The following ENOX1 variants were observed in gnomAD, a reference collection of about 807,000 sequenced individuals.
The protein encoded by ENOX1 is candidate growth-related and time keeping constitutive hydroquinone (NADH) oxidase.
A neutral mutation model predicts 82.5 loss-of-function variants in ENOX1; 42 were observed. The ratio of observed to expected loss-of-function variants is 0.51; its 90% CI spans 0.40 to 0.66. The LOEUF is 0.66. Among genes scored for constraint, ENOX1 ranks in the 30% least tolerant of loss-of-function variants. The probability of loss-of-function intolerance (pLI) is 0.00; values close to 1 mark genes in which losing one functional copy is unlikely to be tolerated. For missense variants in ENOX1, 608 were observed against 811.6 expected (o/e 0.75, Z 3.05); for synonymous variants, 271 against 282.2 (o/e 0.96, Z 0.40).
intron 11 of ENOX1, among the ~76,000 whole-genome samples, chr13:43,314,510 G>T (rs919293836): frequency 6.6e-6 from 1 of 152,160 alleles, no homozygotes; most frequent in Non-Finnish European, 1.5e-5. Context: ...AGGAGTCAAG[G>T]TATAATAGCT....
intron 14 of ENOX1, among the ~76,000 whole-genome samples, chr13:43,243,009 G>A (rs1210365219): frequency 6.6e-6 from 1 of 152,036 alleles, no homozygotes; most frequent in Admixed American, 6.5e-5. Context: ...GGTAGTGCAT[G>A]TCTGTAGTCC....
rs562574645 is a variant in ENOX1, at chr13:43,337,676, C to A, written c.1036+6862G>T. On this transcript the variant is annotated intron_variant, in intron 9 of 16. Transcript: ENST00000690772. ...ATTTATACTCAGTGTGATGACAGCA[C>A]ACCTCTTCAACTCTACCTATAAGCT... Among the ~76,000 whole-genome samples, 26 of 152,232 alleles carry A rather than the reference C, an allele frequency of 1.7e-4. No homozygotes were observed. In the South Asian group the frequency reaches 5.0e-3, roughly 29 times the overall value.
At chr13:43,590,806 T>C (rs1209719170) in intron 2 of ENOX1, among the ~76,000 whole-genome samples, 2 of 147,810 alleles carry the variant, frequency 1.4e-5, no homozygotes, top group Admixed American at 6.7e-5. Flanking sequence ...AAAATGCCTA[T>C]GTATCAAAAG....
intron 3 of ENOX1, among the ~76,000 whole-genome samples, chr13:43,480,842 T>C (rs1193166619): frequency 1.3e-5 from 2 of 152,118 alleles, no homozygotes; most frequent in African/African-American, 4.8e-5. Flanking sequence ...AGTAAGGAGA[T>C]TGAGTCAGTA....
At chr13:43,732,121 C>A (rs1346926862) in intron 1 of ENOX1, among the ~76,000 whole-genome samples, 1 of 152,190 alleles carries the variant, frequency 6.6e-6, no homozygotes, top group African/African-American at 2.4e-5. Context: ...TGCCTGATAG[C>A]CCCTTACTCC....
At chr13:43,576,971 C>G (rs1046946101) in intron 2 of ENOX1, among the ~76,000 whole-genome samples, 4 of 152,010 alleles carry the variant, frequency 2.6e-5, no homozygotes, top group Non-Finnish European at 5.9e-5. Context: ...AATCACTATT[C>G]CAATAAAAAA....
intron 5 of ENOX1, among the ~76,000 whole-genome samples, chr13:43,367,129 A>C (rs2050900933): frequency 6.6e-6 from 1 of 152,162 alleles, no homozygotes. Flanking sequence ...ACAGATGTGG[A>C]AATCTAGTGA....
chr13:43,589,653 C>A (rs2081154302), intron 2 of ENOX1, among the ~76,000 whole-genome samples: 1 of 132,200 alleles, frequency 7.6e-6, no homozygotes, highest in Non-Finnish European at 1.7e-5. Context: ...TAGGCGAATG[C>A]CACTATGCCC....
chr13:43,630,917 ATATG>A (rs1456304953), intron 2 of ENOX1, among the ~76,000 whole-genome samples: 90 of 137,500 alleles, frequency 6.5e-4, no homozygotes, highest in African/African-American at 2.1e-3. Context: ...ACGTGTGCGT[ATATG>A]TGTGTGTGTG....
chr13:43,609,471 T>C (rs1001253747), intron 2 of ENOX1, among the ~76,000 whole-genome samples: 1 of 152,258 alleles, frequency 6.6e-6, no homozygotes, highest in Non-Finnish European at 1.5e-5. Flanking sequence ...TATGTGACTG[T>C]GAATATACAG....
intron 1 of ENOX1, among the ~76,000 whole-genome samples, chr13:43,669,322 C>T (rs1019703068): frequency 6.6e-6 from 1 of 152,202 alleles, no homozygotes; most frequent in African/African-American, 2.4e-5. Flanking sequence ...TCTCTGAGCC[C>T]TTCTCTTCCT....
At chr13:43,470,346 ATATATATG>A (rs1249106390) in intron 3 of ENOX1, among the ~76,000 whole-genome samples, 1 of 38,050 alleles carries the variant, frequency 2.6e-5, no homozygotes, top group East Asian at 3.4e-3. Flanking sequence ...ATATACGTAT[ATATATATG>A]TATATATATA....
At chr13:43,683,646 T>C (rs299353) in intron 1 of ENOX1, among the ~76,000 whole-genome samples, 1 of 151,836 alleles carries the variant, frequency 6.6e-6, no homozygotes, top group African/African-American at 2.4e-5. Context: ...CTCTTTAATA[T>C]GGTATGAAAG....
At chr13:43,285,820 A>AG (rs1471244916) in intron 12 of ENOX1, among the ~76,000 whole-genome samples, 1 of 151,228 alleles carries the variant, frequency 6.6e-6, no homozygotes, top group Non-Finnish European at 1.5e-5. Context: ...CAAAAAAAAA[A>AG]AAAAAAAAAA....
rs566342053 is a variant in ENOX1, at chr13:43,366,420, G to A, written c.209-4968C>T. ...CTCCTGAGTAGCTGGGACTACAGGC[G>A]CCCGCCACCATGCCTGGCTAATTTT... is the stretch of plus-strand genomic sequence containing the variant. On this transcript the variant is annotated intron_variant, in intron 5 of 16. Coordinates refer to ENST00000690772, the MANE Select transcript of ENOX1 (RefSeq NM_001347969.2). Among the ~76,000 whole-genome samples, 8 of 152,178 alleles carry A rather than the reference G, an allele frequency of 5.3e-5. No individual in the cohort carries two copies. In the South Asian group the frequency reaches 8.3e-4, roughly 16 times the overall value.
At chr13:43,544,549 T>C (rs191131622) in intron 2 of ENOX1, 3 of 152,276 alleles carry the variant, frequency 2.0e-5, no homozygotes, top group Admixed American at 6.5e-5. Context: ...TGATGCTTGA[T>C]AAAAGTTGAC....
chr13:43,371,978 C>T (rs535642948), intron 5 of ENOX1, among the ~76,000 whole-genome samples: 1 of 152,294 alleles, frequency 6.6e-6, no homozygotes, highest in East Asian at 1.9e-4. Flanking sequence ...ATAACTATCA[C>T]TTATCTCAGG....
intron 2 of ENOX1, among the ~76,000 whole-genome samples, chr13:43,588,636 G>A (rs2081102029): frequency 6.6e-6 from 1 of 152,184 alleles, no homozygotes; most frequent in Non-Finnish European, 1.5e-5. Context: ...TGGCCTCTGA[G>A]CCGTGGTTTC....
At chr13:43,300,853 C>A (rs2046532405) in intron 11 of ENOX1, among the ~76,000 whole-genome samples, 1 of 149,356 alleles carries the variant, frequency 6.7e-6, no homozygotes, top group African/African-American at 2.6e-5. Flanking sequence ...CAAGGAGCAG[C>A]CACTTTTACA....
Sources: gnomAD v4.1 joint callset for allele counts (sites outside exome capture counted in the v4.1 genomes callset) on GRCh38, gnomAD v4.1.1 for gene constraint, MANE v1.5 for transcripts, NCBI Gene and HGNC (gene_info 2026-07-23, HGNC 2026-07-21) for gene names.